Variants in ADCY7 observed in about 807,000 individuals in gnomAD.
ADCY7 encodes the protein adenylate cyclase 7.
A neutral mutation model predicts 120.6 loss-of-function variants in ADCY7; 72 were observed. The ratio of observed to expected loss-of-function variants is 0.60; its 90% CI spans 0.49 to 0.73. ADCY7 has a LOEUF of 0.73. Ranked by LOEUF, ADCY7 falls within the 30% of genes least tolerant of loss-of-function variation. The pLI, the probability that ADCY7 is intolerant of heterozygous loss-of-function variation, is 0.00. For synonymous variants in ADCY7, 661 were observed against 628.0 expected (o/e 1.05, Z -0.78); for missense variants, 1,227 against 1,486.0 (o/e 0.83, Z 2.87).
intron 1 of ADCY7, among the ~76,000 whole-genome samples, chr16:50,287,304 C>T (rs577668779): frequency 3.9e-5 from 6 of 151,962 alleles, no homozygotes; most frequent in Admixed American, 3.9e-4. Context: ...CATGAGCCAC[C>T]ATGCCTGGCT....
rs187285671 is a variant in ADCY7, at chr16:50,295,600, G to A, written c.948+849G>A. Among the ~76,000 whole-genome samples, 139 of 152,154 alleles carry A rather than the reference G, an allele frequency of 9.1e-4. 1 individual carries two copies. The highest frequency in any genetic ancestry group is 5.3e-3 in the Admixed American group (81 of 15,284). ...AAGCCTGGAGTAGAAAGAAAGCCCC[G>A]TGTGTCCATGGGGTGAACGTGCTCA... is the stretch of plus-strand genomic sequence containing the variant. On this transcript the variant is annotated intron_variant, in intron 7 of 25. Coordinates refer to ENST00000673801, the MANE Select transcript of ADCY7 (RefSeq NM_001114.5).
In ADCY7 at chr16:50,317,751, T is replaced by G. The variant is rs563595264; in HGVS notation, c.*2246T>G. On this transcript the variant is annotated 3_prime_UTR_variant, in exon 26 of 26. Coordinates refer to ENST00000673801, the MANE Select transcript of ADCY7 (RefSeq NM_001114.5). ...ATTACCAAGTAATTACTGGTGTCAT[T>G]TTGTTTTATGACAGACACACGTATC... 6.6e-6 allele frequency: 1 copy of G among 152,372 alleles called. No homozygotes were observed. The highest frequency in any genetic ancestry group is 1.9e-4 in the East Asian group (1 of 5,346). 9.4% of individuals were successfully genotyped at this position (152,372 alleles called of 1,614,324 possible).
upstream of ADCY7, among the ~76,000 whole-genome samples, chr16:50,245,334 G>A (rs989285765): frequency 2.0e-5 from 3 of 152,192 alleles, no homozygotes; most frequent in African/African-American, 4.8e-5. Context: ...CCCAATTCCT[G>A]GGTACCAGGG....
At chr16:50,285,267 C>A (rs1266582442) in intron 1 of ADCY7, among the ~76,000 whole-genome samples, 1 of 152,184 alleles carries the variant, frequency 6.6e-6, no homozygotes, top group South Asian at 2.1e-4. Flanking sequence ...GGTGCCAAGG[C>A]CTGTAGACAC....
chr16:50,313,034 G>A lies in ADCY7; in HGVS notation c.2749G>A (p.Glu917Lys), dbSNP rs2036571821. ...LLNEIIADFD[E>K]LLLKPKFSGV... ...CAATGAGATCATTGCCGACTTCGAC[G>A]AGGTACAGCCTCTAGCCCAGCCTTG... The change falls in exon 22 of 26, where the codon GAG (glutamate) becomes AAG (lysine). Residue 917 changes from glutamate to lysine, a missense_variant and splice_region_variant. Transcript: ENST00000673801. 1 of 1,614,144 alleles carries A rather than the reference G, an allele frequency of 6.2e-7. No homozygotes were observed. The highest frequency in any genetic ancestry group is 1.1e-5 in the South Asian group (1 of 91,088).
upstream of ADCY7, among the ~76,000 whole-genome samples, chr16:50,263,955 G>A (rs1440576272): frequency 6.6e-6 from 1 of 152,194 alleles, no homozygotes; most frequent in South Asian, 2.1e-4. Flanking sequence ...ATACGCAAAC[G>A]GGTATCCCTC....
chr16:50,249,472 CAAA>C (rs1431381433), intron 1 of ADCY7, among the ~76,000 whole-genome samples: 1 of 151,886 alleles, frequency 6.6e-6, no homozygotes, highest in African/African-American at 2.4e-5. Context: ...ACAACAACAA[CAAA>C]ACCAAAGTAC....
In ADCY7 at chr16:50,287,176, C is replaced by T. The variant is rs535769261; in HGVS notation, c.-268-736C>T. Among the ~76,000 whole-genome samples the T allele has an allele frequency of 8.2e-4, 124 of 151,752 alleles. 1 individual carries two copies. The highest frequency in any genetic ancestry group is 5.2e-3 in the South Asian group (25 of 4,774). ...GATTACAGGCACACGTCACCATGTC[C>T]GGCTAATTTTTGTATTTTTAGTGGA... On this transcript the variant is annotated intron_variant, in intron 1 of 25. Transcript: ENST00000673801.
chr16:50,285,249 G>A (rs1227735855), intron 1 of ADCY7, among the ~76,000 whole-genome samples: 12 of 152,198 alleles, frequency 7.9e-5, no homozygotes, highest in African/African-American at 1.9e-4. Context: ...GTTGCCCCTC[G>A]TTGAACAGGT....
At chr16:50,311,868 G>C in intron 20 of ADCY7, 82 bp downstream of exon 20, 1 of 1,445,936 alleles carries the variant, frequency 6.9e-7, no homozygotes, top group Non-Finnish European at 9.7e-7. Flanking sequence ...GGGGTGGGGT[G>C]GGCTCAGGTG....
chr16:50,277,966 G>A (rs117274638), intron 1 of ADCY7, among the ~76,000 whole-genome samples: 185 of 151,986 alleles, frequency 1.2e-3, no homozygotes, highest in Non-Finnish European at 2.3e-3. Flanking sequence ...CACTGCGCCC[G>A]GCCTACCATG....
rs1234129132 is a variant in ADCY7 at position 50,308,804 on chromosome 16, G to A, written c.2061+12G>A. The A allele has an allele frequency of 1.9e-6, 3 of 1,600,290 alleles. No homozygotes were observed. The highest frequency in any genetic ancestry group is 1.7e-5 in the Admixed American group (1 of 59,104). On this transcript the variant is annotated intron_variant, in intron 17 of 25. Transcript: ENST00000673801. ...CCATCATCAACCTGGTGGGTCCCGTGGTGGGGAGGCAGGCCTCCGGGGTAG... is the reference window on the plus strand; with the variant it reads ...CCATCATCAACCTGGTGGGTCCCGTAGTGGGGAGGCAGGCCTCCGGGGTAG...
intron 1 of ADCY7, among the ~76,000 whole-genome samples, chr16:50,250,222 G>A (rs1294646936): frequency 6.6e-6 from 1 of 152,140 alleles, no homozygotes; most frequent in African/African-American, 2.4e-5. Flanking sequence ...CTGGGAGGCC[G>A]AGGCGGGCGG....
upstream of ADCY7, among the ~76,000 whole-genome samples, chr16:50,265,330 C>T (rs960379660): frequency 6.6e-6 from 1 of 150,888 alleles, no homozygotes; most frequent in Admixed American, 6.6e-5. Context: ...CCTGAGGTCT[C>T]CCACTCCCTC....
chr16:50,304,570 C>A lies in ADCY7; in HGVS notation c.1560+19C>A. ...GCCTAAGGTAGGTCCCCCTCCCACC[C>A]AGAAAGCCAGGGATTGGGGCCCCAA... On this transcript the variant is annotated intron_variant, in intron 11 of 25. Transcript: ENST00000673801. The A allele has an allele frequency of 6.6e-7, 1 of 1,519,660 alleles. No homozygotes were observed. Among genetic ancestry groups the A allele is most frequent in the Non-Finnish European group, 8.8e-7 (1 of 1,132,460 alleles). 94.1% of individuals were successfully genotyped at this position (1,519,660 alleles called of 1,614,324 possible).
rs533299293 is a variant in ADCY7 at position 50,304,317 on chromosome 16, A to T, written c.1369-43A>T. ...GATGGCGGCCCCTTCCTGGGCCGAGAGGGGAGGAGGTGGCACAGGCCCATG... is the reference window on the plus strand; with the variant it reads ...GATGGCGGCCCCTTCCTGGGCCGAGTGGGGAGGAGGTGGCACAGGCCCATG... On this transcript the variant is annotated intron_variant, in intron 10 of 25. Coordinates refer to ENST00000673801, the MANE Select transcript of ADCY7 (RefSeq NM_001114.5). 281 of 1,385,356 alleles carry T rather than the reference A, an allele frequency of 2.0e-4. 3 individuals carry two copies. In the East Asian group the frequency reaches 6.2e-3, roughly 31 times the overall value. The allele number at this position is 1,385,356 out of a possible 1,614,324, so 85.8% of individuals were successfully genotyped here.
rs778356357 is a variant in ADCY7, at chr16:50,290,568, G to T, written c.283G>T (p.Ala95Ser). The change falls in exon 3 of 26, where the codon GCC (alanine) becomes TCC (serine). Residue 95 changes from alanine (A) to serine (S), a missense_variant. Ala to Ser is a moderately conservative substitution (Grantham distance 99, BLOSUM62 1). This residue lies in a region of ADCY7 where 382 missense variants were observed against 411.4 expected (regional missense o/e 0.93). Transcript: ENST00000673801. ...GTGTCTCCTGCGGCGCTGGCTCAGG[G>T]CCTTGGCGCTGCTCACCTGGGCCTG... ...VECLLRRWLR[A>S]LALLTWACLV... 54 of 1,614,068 alleles carry T rather than the reference G, an allele frequency of 3.3e-5. 1 individual carries two copies. The South Asian group carries it at 5.7e-4, about 17-fold the overall frequency.
At chr16:50,255,601 G>A (rs1281612613) in intron 1 of ADCY7, among the ~76,000 whole-genome samples, 1 of 152,090 alleles carries the variant, frequency 6.6e-6, no homozygotes, top group African/African-American at 2.4e-5. Context: ...CTCAAGCCAT[G>A]CCCCTACTTC....
chr16:50,307,498 G>A (rs892415974), intron 15 of ADCY7, among the ~76,000 whole-genome samples: 2 of 152,064 alleles, frequency 1.3e-5, no homozygotes, highest in Non-Finnish European at 2.9e-5. Flanking sequence ...CTTATATATA[G>A]GGAAATTGGG....
Sources: allele counts gnomAD v4.1 joint callset (sites outside exome capture counted in the v4.1 genomes callset), GRCh38; gene constraint gnomAD v4.1.1; regional missense constraint gnomAD v4.1.1; transcripts MANE v1.5; gene names NCBI Gene and HGNC (gene_info 2026-07-23, HGNC 2026-07-21).